SYT16: variants seen among roughly 807,000 people sequenced by gnomAD.
SYT16 encodes synaptotagmin 16.
In SYT16, 42 loss-of-function variants were observed where a neutral mutation model predicts 61.4. That is an observed-to-expected ratio of 0.68 (90% CI 0.53 to 0.89). The LOEUF (loss-of-function observed/expected upper bound fraction) is 0.89. Ranked by LOEUF, SYT16 falls within the 40% of genes least tolerant of loss-of-function variation. SYT16 has a pLI of 0.00. For missense variants in SYT16, 804 were observed against 807.3 expected (o/e 1.00, Z 0.05); for synonymous variants, 314 against 302.3 (o/e 1.04, Z -0.40).
At position 62,104,124 on chromosome 14, in the gene SYT16, T is replaced by C. The variant is rs1317700592; in HGVS notation, c.*3417T>C. The C allele has an allele frequency of 6.6e-6, 1 of 152,252 alleles. No individual in the cohort carries two copies. Among genetic ancestry groups the C allele is most frequent in the Non-Finnish European group, 1.5e-5 (1 of 68,050 alleles). The allele number at this position is 152,252 out of a possible 1,614,324, so 9.4% of individuals were successfully genotyped here. ...ATTAGGTTAAATCAAAGTGCTTCTC[T>C]GATAGCCACCAATTTGATTTAATTG... On this transcript the variant is annotated 3_prime_UTR_variant, in exon 8 of 8. Transcript: ENST00000683842.
intron 1 of SYT16, among the ~76,000 whole-genome samples, chr14:61,961,473 C>T (rs2051113055): frequency 6.6e-6 from 1 of 152,126 alleles, no homozygotes; most frequent in South Asian, 2.1e-4. Flanking sequence ...TGAACAGACA[C>T]TTTTCAAAAG....
chr14:61,918,867 A>G (rs2049221909), intron 1 of SYT16, among the ~76,000 whole-genome samples: 1 of 152,172 alleles, frequency 6.6e-6, no homozygotes, highest in Admixed American at 6.6e-5. Context: ...TAGTGTTGCA[A>G]GCATGTAGGC....
In SYT16 at chr14:61,816,574, AG is replaced by A. The variant is rs201293923; in HGVS notation, c.-325+3765del. Among the ~76,000 whole-genome samples, 12 of 152,240 alleles carry A rather than the reference AG, an allele frequency of 7.9e-5. No homozygotes were observed. In the East Asian group the frequency reaches 2.3e-3, roughly 29 times the overall value. ...ATCATAGCAATAATTAATTCAAGCA[AG>A]ATTCATCCATGGATGCTGAACTGTT... is the stretch of plus-strand genomic sequence containing the variant. On this transcript the variant is annotated intron_variant, in intron 1 of 7. Coordinates refer to ENST00000683842, the MANE Select transcript of SYT16 (RefSeq NM_001367656.1).
In SYT16 at chr14:61,890,568, AAGC is replaced by A. The variant is rs1421902874; in HGVS notation, c.-325+77759_-325+77761del. ...AACAATTTTTACTTCTTTTTAAAAG[AAGC>A]TCTTTTGAGCTTCTTTTGCTGCAGT... On this transcript the variant is annotated intron_variant, in intron 1 of 7. Transcript: ENST00000683842. Among the ~76,000 whole-genome samples the A allele has an allele frequency of 7.2e-5, 11 of 152,020 alleles. No homozygotes were observed. The East Asian group carries it at 2.1e-3, about 29-fold the overall frequency.
At chr14:61,820,662 A>G (rs1322728989) in intron 1 of SYT16, among the ~76,000 whole-genome samples, 1 of 151,558 alleles carries the variant, frequency 6.6e-6, no homozygotes, top group African/African-American at 2.4e-5. Flanking sequence ...TTGTATTTTT[A>G]GAAGAGACAG....
intron 5 of SYT16, among the ~76,000 whole-genome samples, chr14:62,078,562 C>A (rs1333401005): frequency 6.6e-6 from 1 of 152,112 alleles, no homozygotes; most frequent in Non-Finnish European, 1.5e-5. Flanking sequence ...GGGAGTGCAA[C>A]CCCAGGGAAC....
Position 62,109,356 on chromosome 14 carries a change from T to A in SYT16, c.*8649T>A, listed in dbSNP as rs910903265. On this transcript the variant is annotated 3_prime_UTR_variant, in exon 8 of 8. Coordinates refer to ENST00000683842, the MANE Select transcript of SYT16 (RefSeq NM_001367656.1). Reference sequence around the variant, plus strand: ...TCTTTTTATGGCTTGATAGTTCATTTATTTTAAGTGCTGAATAATATTTCA... The same window carrying A: ...TCTTTTTATGGCTTGATAGTTCATTAATTTTAAGTGCTGAATAATATTTCA... 2 of 152,068 alleles carry A rather than the reference T, an allele frequency of 1.3e-5. No homozygotes were observed. Among genetic ancestry groups the A allele is most frequent in the Non-Finnish European group, 2.9e-5 (2 of 67,998 alleles). 9.4% of individuals were successfully genotyped at this position (152,068 alleles called of 1,614,324 possible).
chr14:62,091,866 A>G (rs1325420670), intron 7 of SYT16, among the ~76,000 whole-genome samples: 1 of 152,210 alleles, frequency 6.6e-6, no homozygotes, highest in Non-Finnish European at 1.5e-5. Context: ...GACTTCATGT[A>G]AGTTCAAAAA....
intron 1 of SYT16, among the ~76,000 whole-genome samples, chr14:61,903,264 CTTTT>C (rs57869503): frequency 6.9e-6 from 1 of 144,364 alleles, no homozygotes; most frequent in Non-Finnish European, 1.5e-5. Flanking sequence ...TTCATTATGT[CTTTT>C]TTTTTTTTTA....
At chr14:61,845,612 G>T (rs1164496699) in intron 1 of SYT16, among the ~76,000 whole-genome samples, 1 of 152,066 alleles carries the variant, frequency 6.6e-6, no homozygotes, top group Admixed American at 6.5e-5. Flanking sequence ...AAAGGTTTCT[G>T]AATTTTGTTT....
chr14:62,059,777 T>TACGCACACAC (rs2055741776), intron 3 of SYT16, among the ~76,000 whole-genome samples: 1 of 146,756 alleles, frequency 6.8e-6, no homozygotes, highest in Admixed American at 6.8e-5. Flanking sequence ...TGTATACACA[T>TACGCACACAC]ACACACACAC....
chr14:62,003,534 G>A (rs892249502), intron 3 of SYT16, among the ~76,000 whole-genome samples: 5 of 151,922 alleles, frequency 3.3e-5, no homozygotes, highest in African/African-American at 1.2e-4. Flanking sequence ...GGACTAGTTG[G>A]TTGCTGAGTT....
rs1296797730 is a variant in SYT16, at chr14:62,105,349, C to A, written c.*4642C>A. On this transcript the variant is annotated 3_prime_UTR_variant, in exon 8 of 8. Transcript: ENST00000683842. Reference sequence around the variant, plus strand: ...TTGACTACATATTTCAACTGTGATCCAAAAAAGTAAAATAAATGATGTGAT... The same window carrying A: ...TTGACTACATATTTCAACTGTGATCAAAAAAAGTAAAATAAATGATGTGAT... 1 of 151,968 alleles carries A rather than the reference C, an allele frequency of 6.6e-6. No individual in the cohort carries two copies. Among genetic ancestry groups the A allele is most frequent in the Non-Finnish European group, 1.5e-5 (1 of 67,974 alleles). 9.4% of individuals were successfully genotyped at this position (151,968 alleles called of 1,614,324 possible). A position where few individuals can be genotyped will look rare whatever the true frequency, so the allele number is the denominator to read the frequency against.
chr14:62,087,059 C>T (rs533809452), intron 7 of SYT16, among the ~76,000 whole-genome samples: 10 of 152,252 alleles, frequency 6.6e-5, no homozygotes, highest in Admixed American at 5.9e-4. Context: ...TGGATGTCGA[C>T]GGCCTTGGTT....
At chr14:61,978,373 T>C (rs1258728652) in intron 2 of SYT16, among the ~76,000 whole-genome samples, 1 of 152,220 alleles carries the variant, frequency 6.6e-6, no homozygotes, top group Non-Finnish European at 1.5e-5. Flanking sequence ...GGGGTTATAA[T>C]GATTCTTACA....
intron 3 of SYT16, among the ~76,000 whole-genome samples, chr14:62,033,635 C>A (rs1178641311): frequency 6.6e-6 from 1 of 152,038 alleles, no homozygotes; most frequent in East Asian, 1.9e-4. Context: ...GACATGAGAG[C>A]TGCTGTATGA....
Position 62,105,638 on chromosome 14 carries a change from C to A in SYT16, c.*4931C>A, listed in dbSNP as rs1432168903. ...TGATATAATAGCGCATCCACTTGTT[C>A]TCAAGTGATTCAAACCTTGAGTAAA... On this transcript the variant is annotated 3_prime_UTR_variant, in exon 8 of 8. Coordinates refer to ENST00000683842, the MANE Select transcript of SYT16 (RefSeq NM_001367656.1). 6.6e-6 allele frequency: 1 copy of A among 152,146 alleles called. No individual in the cohort carries two copies. Among genetic ancestry groups the A allele is most frequent in the Non-Finnish European group, 1.5e-5 (1 of 68,018 alleles). The allele number at this position is 152,146 out of a possible 1,614,324, so 9.4% of individuals were successfully genotyped here. A position where few individuals can be genotyped will look rare whatever the true frequency, so the allele number is the denominator to read the frequency against.
chr14:61,993,032 C>T (rs1047823291), intron 2 of SYT16, among the ~76,000 whole-genome samples: 25 of 151,596 alleles, frequency 1.6e-4, no homozygotes, highest in African/African-American at 5.6e-4. Context: ...TTTTCATTTT[C>T]GTTTTGATGA....
intron 1 of SYT16, among the ~76,000 whole-genome samples, chr14:61,917,775 A>C (rs1368209232): frequency 1.3e-5 from 2 of 152,178 alleles, no homozygotes; most frequent in Non-Finnish European, 2.9e-5. Flanking sequence ...AGTATCCCTT[A>C]TCTGAAATGT....
Sources: gnomAD v4.1 joint callset for allele counts (sites outside exome capture counted in the v4.1 genomes callset) on GRCh38, gnomAD v4.1.1 for gene constraint, MANE v1.5 for transcripts, NCBI Gene and HGNC (gene_info 2026-07-23, HGNC 2026-07-21) for gene names.